Variants in SEZ6L observed in about 807,000 individuals in gnomAD.
SEZ6L encodes seizure 6-like protein.
SEZ6L carries 37 observed loss-of-function variants against 106.2 expected under a neutral mutation model. That is an observed-to-expected ratio of 0.35 (90% CI 0.27 to 0.46). SEZ6L has a LOEUF of 0.46. Ranked by LOEUF, SEZ6L falls within the 20% of genes least tolerant of loss-of-function variation. The pLI is 1.00. For synonymous variants in SEZ6L, 541 were observed against 570.4 expected (o/e 0.95, Z 0.73); for missense variants, 1,172 against 1,332.8 (o/e 0.88, Z 1.88).
At chr22:26,250,297 A>G (rs1037689882) in intron 1 of SEZ6L, among the ~76,000 whole-genome samples, 4 of 152,162 alleles carry the variant, frequency 2.6e-5, no homozygotes, top group Non-Finnish European at 4.4e-5. Flanking sequence ...TCATAGTTTC[A>G]GATATTACAT....
At chr22:26,312,585 G>C (rs1010813482) in intron 8 of SEZ6L, among the ~76,000 whole-genome samples, 1 of 152,152 alleles carries the variant, frequency 6.6e-6, no homozygotes, top group Non-Finnish European at 1.5e-5. Context: ...GGCTGCAGTG[G>C]ACTGTCCTGC....
chr22:26,220,946 G>A (rs531015508), intron 1 of SEZ6L, among the ~76,000 whole-genome samples: 2 of 150,842 alleles, frequency 1.3e-5, no homozygotes, highest in African/African-American at 4.9e-5. Flanking sequence ...GATGGATGAT[G>A]AGTGGTTGAT....
chr22:26,370,898 G>C (rs1601641188), intron 13 of SEZ6L, among the ~76,000 whole-genome samples: 1 of 151,474 alleles, frequency 6.6e-6, no homozygotes, highest in East Asian at 1.9e-4. Context: ...CAACTACTTG[G>C]GAAGCTGAGG....
chr22:26,172,195 T>C (rs1352312033), intron 1 of SEZ6L, among the ~76,000 whole-genome samples: 3 of 152,100 alleles, frequency 2.0e-5, no homozygotes, highest in African/African-American at 7.2e-5. Flanking sequence ...ATAAGGCAAA[T>C]TCAGTATTGC....
At chr22:26,262,987 T>C (rs1050167178) in intron 1 of SEZ6L, among the ~76,000 whole-genome samples, 3 of 152,220 alleles carry the variant, frequency 2.0e-5, no homozygotes, top group Admixed American at 6.5e-5. Flanking sequence ...CCCTGCTATA[T>C]TGACTACCAT....
At position 26,232,540 on chromosome 22, in the gene SEZ6L, C is replaced by G. The variant is rs1459746936; in HGVS notation, c.95-59866C>G. 2.0e-5 allele frequency among the ~76,000 whole-genome samples: 3 copies of G among 152,304 alleles called. 1 individual carries two copies. The Middle Eastern group carries it at 0.01, about 518-fold the overall frequency. On this transcript the variant is annotated intron_variant, in intron 1 of 16. Transcript: ENST00000248933. The stretch of plus-strand genomic sequence containing the variant: ...CAGCCCACATATACAATGGGGATCT[C>G]ATCACATTATAATACCATATTTTCA...
In SEZ6L at chr22:26,309,673, G is replaced by A. The variant is rs1190918894; in HGVS notation, c.1515-997G>A. On this transcript the variant is annotated intron_variant, in intron 6 of 16. Transcript: ENST00000248933. Reference sequence around the variant, plus strand: ...GGCTCACTGCAATCTCTGGCTTCCAGGTTCAAGCAATTCTCCTGCCTCAGC... The same window carrying A: ...GGCTCACTGCAATCTCTGGCTTCCAAGTTCAAGCAATTCTCCTGCCTCAGC... 8.5e-5 allele frequency among the ~76,000 whole-genome samples: 13 copies of A among 152,140 alleles called. 2 individuals carry two copies. In the South Asian group the frequency reaches 2.7e-3, roughly 31 times the overall value.
chr22:26,331,960 G>A (rs950292529), intron 9 of SEZ6L, among the ~76,000 whole-genome samples: 8 of 151,722 alleles, frequency 5.3e-5, no homozygotes, highest in South Asian at 2.1e-4. Flanking sequence ...ACTCCAGCCC[G>A]GGCAACAGAG....
chr22:26,271,208 A>G (rs1045035690), intron 1 of SEZ6L, among the ~76,000 whole-genome samples: 5 of 152,348 alleles, frequency 3.3e-5, no homozygotes, highest in Middle Eastern at 3.4e-3. Flanking sequence ...CGTAGTATGT[A>G]TATAAACAAC....
At chr22:26,266,489 C>T (rs969265692) in intron 1 of SEZ6L, among the ~76,000 whole-genome samples, 8 of 151,448 alleles carry the variant, frequency 5.3e-5, no homozygotes, top group South Asian at 2.1e-4. Flanking sequence ...AGGAGAATGG[C>T]GTGAACCCGG....
chr22:26,323,004 G>A (rs1467440192), intron 9 of SEZ6L, among the ~76,000 whole-genome samples: 3 of 152,220 alleles, frequency 2.0e-5, no homozygotes, highest in Non-Finnish European at 4.4e-5. Context: ...CATTGGTGAA[G>A]GCATCGTAGA....
At chr22:26,224,367 C>G (rs948363565) in intron 1 of SEZ6L, among the ~76,000 whole-genome samples, 1 of 152,164 alleles carries the variant, frequency 6.6e-6, no homozygotes, top group Non-Finnish European at 1.5e-5. Context: ...AGCTTCTGTT[C>G]TCTATTACTG....
At chr22:26,180,755 C>G (rs1026245537) in intron 1 of SEZ6L, among the ~76,000 whole-genome samples, 5 of 152,140 alleles carry the variant, frequency 3.3e-5, no homozygotes, top group African/African-American at 1.2e-4. Context: ...TCCCCTTTTC[C>G]CATGAGAGAT....
At chr22:26,270,986 A>G (rs547835784) in intron 1 of SEZ6L, among the ~76,000 whole-genome samples, 8 of 152,326 alleles carry the variant, frequency 5.3e-5, no homozygotes, top group African/African-American at 1.9e-4. Flanking sequence ...ATGTCCACTA[A>G]TGATCCAGAT....
At chr22:26,325,517 G>A (rs546048025) in intron 9 of SEZ6L, among the ~76,000 whole-genome samples, 17 of 152,138 alleles carry the variant, frequency 1.1e-4, no homozygotes, top group African/African-American at 4.1e-4. Context: ...TTGGTGCCTG[G>A]CATATAGAAG....
At chr22:26,232,740 C>G (rs960003833) in intron 1 of SEZ6L, among the ~76,000 whole-genome samples, 1 of 152,222 alleles carries the variant, frequency 6.6e-6, no homozygotes, top group African/African-American at 2.4e-5. Flanking sequence ...AATGCACTCT[C>G]TCATGGTCAC....
Position 26,292,646 on chromosome 22 carries a change from C to A in SEZ6L, c.335C>A (p.Ala112Asp). The A allele has an allele frequency of 6.2e-7, 1 of 1,613,296 alleles. No homozygotes were observed. Among genetic ancestry groups the A allele is most frequent in the Non-Finnish European group, 8.5e-7 (1 of 1,179,830 alleles). ...CCAGAGGAGGCCCGCCCCAAGCACG[C>A]CTTGCCCCCCAAGAAGAAACTGCCT... ...LLPEEARPKH[A>D]LPPKKKLPSL... Residue 112 changes from alanine to aspartate, a missense_variant, in exon 2 of 17, where the codon GCC (alanine) becomes GAC (aspartate). Ala to Asp is a moderately radical substitution (Grantham distance 126). Transcript: ENST00000248933.
intron 1 of SEZ6L, among the ~76,000 whole-genome samples, chr22:26,206,384 G>T (rs762847047): frequency 6.6e-6 from 1 of 152,104 alleles, no homozygotes; most frequent in African/African-American, 2.4e-5. Flanking sequence ...TTAAAACATT[G>T]AATTAAGTGC....
At chr22:26,171,509 A>G (rs975596551) in intron 1 of SEZ6L, among the ~76,000 whole-genome samples, 9 of 144,220 alleles carry the variant, frequency 6.2e-5, no homozygotes, top group Non-Finnish European at 1.2e-4. Context: ...CCTTGCAGGG[A>G]AAAAAAAATT....
Sources: allele counts gnomAD v4.1 joint callset (sites outside exome capture counted in the v4.1 genomes callset), GRCh38; gene constraint gnomAD v4.1.1; transcripts MANE v1.5; gene names NCBI Gene and HGNC (gene_info 2026-07-23, HGNC 2026-07-21).